GRM5: variants seen among roughly 807,000 people sequenced by gnomAD.
The protein encoded by GRM5 is metabotropic glutamate receptor 5.
Under a neutral mutation model 83.1 loss-of-function variants are expected in GRM5, and 19 were observed. The observed-to-expected ratio is 0.23, with a 90% confidence interval of 0.16 to 0.34. The LOEUF is 0.34. Among genes scored for constraint, GRM5 ranks in the 10% least tolerant of loss-of-function variants. The pLI is 1.00. For synonymous variants in GRM5, 675 were observed against 633.6 expected (o/e 1.07, Z -0.98); for missense variants, 1,160 against 1,588.3 (o/e 0.73, Z 4.58).
At chr11:88,648,974 T>G (rs1171174641) in intron 4 of GRM5, among the ~76,000 whole-genome samples, 2 of 147,092 alleles carry the variant, frequency 1.4e-5, no homozygotes, top group Admixed American at 1.4e-4. Flanking sequence ...TAAGGAGCTC[T>G]GGAAACCCTA....
At chr11:88,852,797 G>T (rs1355741658) in intron 2 of GRM5, among the ~76,000 whole-genome samples, 1 of 152,010 alleles carries the variant, frequency 6.6e-6, no homozygotes, top group Non-Finnish European at 1.5e-5. Flanking sequence ...GAGACAAAGA[G>T]AATATGTCTT....
chr11:88,833,925 C>T (rs1458053145), intron 3 of GRM5, among the ~76,000 whole-genome samples: 3 of 152,002 alleles, frequency 2.0e-5, no homozygotes, highest in African/African-American at 4.8e-5. Context: ...AAAAGGTTTT[C>T]GCATGGAAGT....
At chr11:88,805,434 C>T (rs1203500619) in intron 3 of GRM5, among the ~76,000 whole-genome samples, 1 of 152,262 alleles carries the variant, frequency 6.6e-6, no homozygotes, top group South Asian at 2.1e-4. Flanking sequence ...TTGTGATCCA[C>T]CCGCCTTGGC....
chr11:88,975,578 C>A (rs1489751828), intron 2 of GRM5, among the ~76,000 whole-genome samples: 1 of 152,126 alleles, frequency 6.6e-6, no homozygotes, highest in East Asian at 1.9e-4. Context: ...CAGTGTGGCC[C>A]ATGGGCCAGA....
At chr11:88,879,316 T>C (rs1415334356) in intron 2 of GRM5, among the ~76,000 whole-genome samples, 5 of 151,934 alleles carry the variant, frequency 3.3e-5, no homozygotes, top group East Asian at 1.9e-4. Flanking sequence ...ATCCAGAATA[T>C]AGAAAGTAAT....
chr11:88,984,951 TTTTTTCTA>T (rs1939654606), intron 2 of GRM5: 2 of 590,488 alleles, frequency 3.4e-6, no homozygotes, highest in Admixed American at 6.1e-5. Context: ...TTGACTCACT[TTTTTTCTA>T]ATCACAGTAT....
At chr11:88,893,567 C>T (rs1322014744) in intron 2 of GRM5, among the ~76,000 whole-genome samples, 1 of 152,058 alleles carries the variant, frequency 6.6e-6, no homozygotes, top group African/African-American at 2.4e-5. Context: ...ACTCTAGCTA[C>T]CCAAATCCAA....
chr11:88,911,471 T>C (rs1263788620), intron 2 of GRM5, among the ~76,000 whole-genome samples: 3 of 152,162 alleles, frequency 2.0e-5, no homozygotes, highest in African/African-American at 7.2e-5. Flanking sequence ...TTTTTTGTAC[T>C]CAACAGTGAC....
intron 3 of GRM5, among the ~76,000 whole-genome samples, chr11:88,843,142 A>G (rs1016726271): frequency 2.6e-5 from 4 of 152,156 alleles, no homozygotes; most frequent in African/African-American, 4.8e-5. Flanking sequence ...TGTCCTACAC[A>G]TCTGTTGGCA....
At chr11:88,784,903 T>G (rs541012594) in intron 3 of GRM5, among the ~76,000 whole-genome samples, 1 of 152,216 alleles carries the variant, frequency 6.6e-6, no homozygotes, top group African/African-American at 2.4e-5. Flanking sequence ...TGTAAATTTA[T>G]CATGAAATAT....
intron 2 of GRM5, among the ~76,000 whole-genome samples, chr11:88,873,203 A>G (rs1944798485): frequency 6.6e-6 from 1 of 151,672 alleles, no homozygotes; most frequent in Non-Finnish European, 1.5e-5. Flanking sequence ...GTGCCTAAAT[A>G]TATAAAGAAA....
Position 88,653,235 on chromosome 11 carries a change from C to G in GRM5, c.1080G>C (p.Gln360His). ...HRNPWFQEFW[Q>H]HRFQCRLEGF... ...CTTCCAGTCGGCACTGAAAACGATG[C>G]TGCCAAAATTCTTGAAACCAAGGGT... The change falls in exon 4 of 10, where the codon CAG (glutamine) becomes CAC (histidine). Residue 360 changes from glutamine to histidine, a missense_variant. By Grantham distance (24) the Gln-to-His change is conservative. Coordinates refer to ENST00000305447, the MANE Select transcript of GRM5 (RefSeq NM_001143831.3). 6.2e-7 allele frequency: 1 copy of G among 1,613,124 alleles called. No homozygotes were observed. The highest frequency in any genetic ancestry group is 8.5e-7 in the Non-Finnish European group (1 of 1,179,376).
intron 8 of GRM5, among the ~76,000 whole-genome samples, chr11:88,529,860 G>T (rs1340817538): frequency 6.6e-6 from 1 of 151,958 alleles, no homozygotes; most frequent in Non-Finnish European, 1.5e-5. Context: ...TTACTGTGTT[G>T]GATGGTGCAG....
At chr11:88,837,103 T>C (rs191514856) in intron 3 of GRM5, among the ~76,000 whole-genome samples, 70 of 152,346 alleles carry the variant, frequency 4.6e-4, no homozygotes, top group Middle Eastern at 3.4e-3. Context: ...TTTGTTAATC[T>C]TATTTTTTTT....
At chr11:88,742,405 G>A (rs749704293) in intron 3 of GRM5, among the ~76,000 whole-genome samples, 12 of 151,962 alleles carry the variant, frequency 7.9e-5, no homozygotes, top group African/African-American at 1.7e-4. Flanking sequence ...AACTTAAGAC[G>A]GTAGGAAATT....
rs1418630734 is a variant in GRM5 at position 88,590,802 on chromosome 11, G to A, written c.1564-75C>T. On this transcript the variant is annotated intron_variant, in intron 6 of 9. Transcript: ENST00000305447. ...CAACAATTCTATATTCCAATGTGCT[G>A]TTTTGCAAAGCAGAAAGGCCTTTCA... 9.4e-6 allele frequency: 11 copies of A among 1,168,432 alleles called. No homozygotes were observed. In the Admixed American group the frequency reaches 2.0e-4, roughly 22 times the overall value. The allele number at this position is 1,168,432 out of a possible 1,614,324, so 72.4% of individuals were successfully genotyped here.
intron 3 of GRM5, among the ~76,000 whole-genome samples, chr11:88,691,470 G>T (rs963252869): frequency 6.6e-6 from 1 of 152,070 alleles, no homozygotes; most frequent in South Asian, 2.1e-4. Flanking sequence ...TTAGAAATAC[G>T]GTTGGATATA....
chr11:88,799,620 C>T (rs1397313199), intron 3 of GRM5, among the ~76,000 whole-genome samples: 1 of 152,040 alleles, frequency 6.6e-6, no homozygotes, highest in Non-Finnish European at 1.5e-5. Flanking sequence ...TAAAATAACA[C>T]ACTCATCATC....
chr11:88,597,936 G>A (rs1937862513), intron 5 of GRM5, among the ~76,000 whole-genome samples: 1 of 152,086 alleles, frequency 6.6e-6, no homozygotes, highest in South Asian at 2.1e-4. Context: ...GAAGAGAGTA[G>A]TTCCTTGTGA....
Sources: allele counts gnomAD v4.1 joint callset (sites outside exome capture counted in the v4.1 genomes callset), GRCh38; gene constraint gnomAD v4.1.1; transcripts MANE v1.5; gene names NCBI Gene and HGNC (gene_info 2026-07-23, HGNC 2026-07-21).